The following EIF2AK4 variants were observed in gnomAD, a reference collection of about 807,000 sequenced individuals.
EIF2AK4 encodes eIF-2-alpha kinase GCN2.
In EIF2AK4, 139 loss-of-function variants were observed where a neutral mutation model predicts 211.1. The observed-to-expected ratio is 0.66, with a 90% CI of 0.57 to 0.76. EIF2AK4 has a LOEUF of 0.76. Among genes scored for constraint, EIF2AK4 ranks in the 30% least tolerant of loss-of-function variants. The probability of loss-of-function intolerance (pLI) is 0.00; values close to 1 mark genes in which losing one functional copy is unlikely to be tolerated. For synonymous variants in EIF2AK4, 710 were observed against 751.3 expected, an observed-to-expected ratio of 0.94 and a Z score of 0.90; for missense variants, 1,664 against 2,043.8, an observed-to-expected ratio of 0.81 and a Z score of 3.58.
chr15:39,934,787 C>G (rs897681054), intron 1 of EIF2AK4, among the ~76,000 whole-genome samples: 1 of 152,212 alleles, frequency 6.6e-6, no homozygotes, highest in Non-Finnish European at 1.5e-5. Flanking sequence ...CAAGTCTCAT[C>G]CATGCATTCA....
intron 6 of EIF2AK4, among the ~76,000 whole-genome samples, chr15:39,958,242 C>A (rs1423531699): frequency 6.6e-6 from 1 of 152,080 alleles, no homozygotes; most frequent in South Asian, 2.1e-4. Context: ...ACTAAAAAAC[C>A]AAAAAACCTC....
At chr15:39,949,344 C>T in intron 4 of EIF2AK4, 76 bp downstream of exon 4, 1 of 1,559,194 alleles carries the variant, frequency 6.4e-7, no homozygotes, top group South Asian at 1.2e-5. Context: ...TTATCTGTCT[C>T]TGCCTACAAA....
At chr15:39,956,447 T>G (rs1350842015) in intron 6 of EIF2AK4, among the ~76,000 whole-genome samples, 1 of 152,206 alleles carries the variant, frequency 6.6e-6, no homozygotes, top group Non-Finnish European at 1.5e-5. Context: ...CTACAATGCC[T>G]TAGGTCCCAC....
chr15:40,021,112 A>G (rs1313128063), intron 31 of EIF2AK4, 85 bp downstream of exon 31: 1 of 1,435,072 alleles, frequency 7.0e-7, no homozygotes, highest in East Asian at 2.5e-5. Context: ...TAGACTGTCA[A>G]ACTCTGTTTA....
chr15:40,011,341 A>G lies in EIF2AK4; in HGVS notation c.3754A>G (p.Asn1252Asp). The G allele has an allele frequency of 6.2e-7, 1 of 1,611,202 alleles. No homozygotes were observed. ...AKFCNLSLSS[N>D]SLCRLYKFIE... is the part of the protein sequence containing the mutation. The stretch of plus-strand genomic sequence containing the variant: ...ATTTTGTAATCTGTCTTTGTCTTCT[A>G]ATAGTGTAAGTACCTTCTAATGGTA... The change falls in exon 27 of 39, where the codon AAT becomes GAT. Residue 1252 changes from asparagine to aspartate, a missense_variant. This residue lies in a region of EIF2AK4 where 622 missense variants were observed against 796.8 expected (regional missense o/e 0.78). Transcript: ENST00000263791.
intron 27 of EIF2AK4, among the ~76,000 whole-genome samples, chr15:40,012,970 A>G (rs2035254201): frequency 6.6e-6 from 1 of 152,134 alleles, no homozygotes. Context: ...CCTGAGGCCC[A>G]AAGAGATGTT....
At chr15:39,940,600 T>C (rs1043394179) in intron 2 of EIF2AK4, among the ~76,000 whole-genome samples, 1 of 152,070 alleles carries the variant, frequency 6.6e-6, no homozygotes, top group African/African-American at 2.4e-5. Flanking sequence ...ATAAAAATAT[T>C]AATTAACGAA....
intron 31 of EIF2AK4, chr15:40,022,271 C>A: frequency 1.3e-5 from 4 of 296,416 alleles, no homozygotes; most frequent in Non-Finnish European, 1.3e-5. Context: ...CTTTTGAAAA[C>A]CTCTTACTAT....
At chr15:40,009,438 C>T (rs1161960225) in intron 25 of EIF2AK4, among the ~76,000 whole-genome samples, 176 bp from the exon 26 acceptor site, 1 of 151,606 alleles carries the variant, frequency 6.6e-6, no homozygotes, top group Non-Finnish European at 1.5e-5. Context: ...TTAGAGTATA[C>T]TCTGACTATA....
At chr15:40,028,639 C>A (rs901437861) in intron 33 of EIF2AK4, among the ~76,000 whole-genome samples, 2 of 152,136 alleles carry the variant, frequency 1.3e-5, no homozygotes, top group African/African-American at 4.8e-5. Context: ...TCTTCTCATG[C>A]CCCCACCCCT....
chr15:40,032,455 G>T (rs1360020209), intron 36 of EIF2AK4, among the ~76,000 whole-genome samples: 1 of 152,168 alleles, frequency 6.6e-6, no homozygotes, highest in Admixed American at 6.5e-5. Flanking sequence ...AGAGGAAAAT[G>T]AAAACAAAAG....
rs980862532 is a variant in EIF2AK4, at chr15:40,028,541, AC to A, written c.4503-859del. 1.4e-3 allele frequency among the ~76,000 whole-genome samples: 211 copies of A among 151,968 alleles called. 1 individual carries two copies. Among genetic ancestry groups the A allele is most frequent in the African/African-American group, 4.9e-3 (204 of 41,448 alleles). ...ACATCCTAAAGGGTACAGGACTACTACCCCCCAACAGAGAATTTTCTGGCCT... is the reference window on the plus strand; with the variant it reads ...ACATCCTAAAGGGTACAGGACTACTACCCCCAACAGAGAATTTTCTGGCCT... On this transcript the variant is annotated intron_variant, in intron 33 of 38. Transcript: ENST00000263791.
intron 31 of EIF2AK4, 126 bp from the exon 32 acceptor site, chr15:40,022,393 G>A: frequency 1.3e-6 from 1 of 788,388 alleles, no homozygotes; most frequent in African/African-American, 1.8e-5. Flanking sequence ...ATATCCCCCT[G>A]AAGTCAGCAT....
intron 18 of EIF2AK4, among the ~76,000 whole-genome samples, chr15:39,996,459 C>T (rs1339277118): frequency 1.3e-5 from 2 of 152,198 alleles, no homozygotes; most frequent in East Asian, 3.9e-4. Context: ...AATCCCAGCA[C>T]TTTAGGAGGC....
chr15:40,015,069 C>G (rs867952971), intron 27 of EIF2AK4, among the ~76,000 whole-genome samples: 5 of 152,122 alleles, frequency 3.3e-5, no homozygotes, highest in Admixed American at 6.6e-5. Context: ...TTTCATTGAC[C>G]ACATCATTAT....
chr15:39,970,797 A>T (rs1234917211), intron 9 of EIF2AK4, among the ~76,000 whole-genome samples: 2 of 152,118 alleles, frequency 1.3e-5, no homozygotes, highest in African/African-American at 4.8e-5. Context: ...TTGCAAGGAG[A>T]AGGTATATAT....
intron 6 of EIF2AK4, among the ~76,000 whole-genome samples, chr15:39,960,150 C>G: frequency 7.8e-6 from 1 of 128,994 alleles, no homozygotes. Context: ...GGCGACAGAG[C>G]GAGACTCCAT....
chr15:40,007,249 G>A (rs1199975666), intron 24 of EIF2AK4, among the ~76,000 whole-genome samples, 184 bp downstream of exon 24: 1 of 152,156 alleles, frequency 6.6e-6, no homozygotes, highest in African/African-American at 2.4e-5. Context: ...AGGTAACTAG[G>A]ACTGTTAGAA....
chr15:39,993,291 C>T (rs143909019), intron 18 of EIF2AK4, among the ~76,000 whole-genome samples: 1 of 152,308 alleles, frequency 6.6e-6, no homozygotes, highest in Non-Finnish European at 1.5e-5. Context: ...GTGCCAGGAA[C>T]AGATGTGGCT....
Sources: allele counts gnomAD v4.1 joint callset (sites outside exome capture counted in the v4.1 genomes callset), GRCh38; gene constraint gnomAD v4.1.1; regional missense constraint gnomAD v4.1.1; transcripts MANE v1.5; gene names NCBI Gene and HGNC (gene_info 2026-07-23, HGNC 2026-07-21).